KCNK9: variants seen among roughly 807,000 people sequenced by gnomAD.
The protein encoded by KCNK9 is potassium channel subfamily K member 9.
In KCNK9, 1 loss-of-function variant was observed where a neutral mutation model predicts 10.8. The observed-to-expected ratio is 0.09, with a 90% CI of 0.03 to 0.44. The LOEUF is 0.44. KCNK9 is among the 20% of genes least tolerant of loss of function. The pLI is 0.97. For synonymous variants in KCNK9, 231 were observed against 222.7 expected (o/e 1.04, Z -0.33); for missense variants, 303 against 515.0 (o/e 0.59, Z 3.98).
chr8:139,663,355 G>C (rs764191941), intron 1 of KCNK9, among the ~76,000 whole-genome samples: 1 of 152,026 alleles, frequency 6.6e-6, no homozygotes, highest in Non-Finnish European at 1.5e-5. Flanking sequence ...CCGCTCTTGG[G>C]GGACTACAGG....
chr8:139,687,502 A>ATTTG (rs1816829851), intron 1 of KCNK9, among the ~76,000 whole-genome samples: 1 of 37,552 alleles, frequency 2.7e-5, no homozygotes, highest in African/African-American at 7.6e-5. Flanking sequence ...ACATATATAC[A>ATTTG]TATATATGTA....
intron 1 of KCNK9, among the ~76,000 whole-genome samples, chr8:139,681,838 C>T (rs1425362429): frequency 1.3e-5 from 2 of 152,212 alleles, no homozygotes; most frequent in African/African-American, 2.4e-5. Flanking sequence ...GCTATTTAAC[C>T]AACCGGCATC....
At chr8:139,630,924 C>G (rs1451427210) in intron 1 of KCNK9, among the ~76,000 whole-genome samples, 1 of 152,224 alleles carries the variant, frequency 6.6e-6, no homozygotes, top group Non-Finnish European at 1.5e-5. Context: ...GAAAGAGGCT[C>G]CTAGAAAGTG....
At chr8:139,633,709 G>A (rs530553910) in intron 1 of KCNK9, among the ~76,000 whole-genome samples, 12 of 152,310 alleles carry the variant, frequency 7.9e-5, no homozygotes, top group East Asian at 3.9e-4. Flanking sequence ...CAGGCTGCGC[G>A]AGGCTCACCA....
At chr8:139,632,537 G>A (rs878992184) in intron 1 of KCNK9, among the ~76,000 whole-genome samples, 36 of 152,122 alleles carry the variant, frequency 2.4e-4, no homozygotes, top group African/African-American at 8.0e-4. Context: ...AGAGTCCCTC[G>A]CAAGTAGACA....
At chr8:139,660,493 C>T (rs141756698) in intron 1 of KCNK9, among the ~76,000 whole-genome samples, 2,020 of 150,568 alleles carry the variant, frequency 0.013, 16 homozygotes, top group African/African-American at 0.016. Flanking sequence ...TGGTGGTGCA[C>T]GCCTATAATC....
At chr8:139,651,252 C>T (rs144445668) in intron 1 of KCNK9, among the ~76,000 whole-genome samples, 6 of 152,352 alleles carry the variant, frequency 3.9e-5, no homozygotes, top group East Asian at 1.9e-4. Context: ...GTCAGAAACA[C>T]GAGCATGTGT....
intron 1 of KCNK9, among the ~76,000 whole-genome samples, chr8:139,660,983 C>G (rs1235593552): frequency 6.6e-6 from 1 of 152,184 alleles, no homozygotes; most frequent in South Asian, 2.1e-4. Context: ...CTCTGTACAT[C>G]TTTGACAGAA....
chr8:139,638,207 G>A (rs921157988), intron 1 of KCNK9, among the ~76,000 whole-genome samples: 6 of 152,026 alleles, frequency 3.9e-5, no homozygotes, highest in East Asian at 1.9e-4. Flanking sequence ...CTCCAGGAAC[G>A]TGGGAAGACA....
At chr8:139,605,854 T>G (rs1486663142) in intron 2 of KCNK9, among the ~76,000 whole-genome samples, 1 of 152,218 alleles carries the variant, frequency 6.6e-6, no homozygotes, top group Non-Finnish European at 1.5e-5. Context: ...GTTTTTTCTT[T>G]AAAATATTAG....
chr8:139,642,147 A>G (rs1815523931), intron 1 of KCNK9, among the ~76,000 whole-genome samples: 1 of 152,354 alleles, frequency 6.6e-6, no homozygotes, highest in Middle Eastern at 3.4e-3. Flanking sequence ...AGCCACTCCT[A>G]TAATCCCAAG....
intron 2 of KCNK9, among the ~76,000 whole-genome samples, chr8:139,602,460 A>C (rs945871117): frequency 6.6e-6 from 1 of 152,246 alleles, no homozygotes; most frequent in African/African-American, 2.4e-5. Context: ...AATGCCTGTT[A>C]CATTTTTTTG....
At chr8:139,701,018 T>C (rs1817205844) in intron 1 of KCNK9, among the ~76,000 whole-genome samples, 1 of 152,230 alleles carries the variant, frequency 6.6e-6, no homozygotes, top group South Asian at 2.1e-4. Context: ...TTTAAGGGCC[T>C]TGGGGCTTTC....
In KCNK9 at chr8:139,687,461, C is replaced by CATATATATATGTGTATACAT. The variant is rs1380086135; in HGVS notation, c.283+15248_283+15249insATGTATACACATATATATAT. 1.5e-5 allele frequency among the ~76,000 whole-genome samples: 2 copies of CATATATATATGTGTATACAT among 133,788 alleles called. 1 individual carries two copies. Among genetic ancestry groups the CATATATATATGTGTATACAT allele is most frequent in the Non-Finnish European group, 3.2e-5 (2 of 63,084 alleles). 87.8% of individuals were successfully genotyped at this position (133,788 alleles called of 152,430 possible). Reference sequence around the variant, plus strand: ...ATATATATGTATACACATATATATTCATATATTCATATATATGTATACATA... The same window carrying CATATATATATGTGTATACAT: ...ATATATATGTATACACATATATATTCATATATATATGTGTATACATATATATTCATATATATGTATACATA... On this transcript the variant is annotated intron_variant, in intron 1 of 1. Coordinates refer to ENST00000520439, the MANE Select transcript of KCNK9 (RefSeq NM_001282534.2).
At chr8:139,668,572 C>A (rs1036737642) in intron 1 of KCNK9, among the ~76,000 whole-genome samples, 1 of 152,104 alleles carries the variant, frequency 6.6e-6, no homozygotes, top group African/African-American at 2.4e-5. Flanking sequence ...CAGGTGTGCG[C>A]CACCACGTCC....
intron 1 of KCNK9, among the ~76,000 whole-genome samples, chr8:139,682,029 G>A (rs1436293719): frequency 6.6e-6 from 1 of 152,298 alleles, no homozygotes; most frequent in East Asian, 1.9e-4. Flanking sequence ...AGGAAGAACG[G>A]CAAGTTCAGC....
chr8:139,630,491 C>T (rs1027625596), intron 1 of KCNK9, among the ~76,000 whole-genome samples: 6 of 152,208 alleles, frequency 3.9e-5, no homozygotes, highest in African/African-American at 1.4e-4. Flanking sequence ...ACATCCGACG[C>T]TCGCTGGTCC....
chr8:139,660,371 G>A (rs1167522498), intron 1 of KCNK9, among the ~76,000 whole-genome samples: 1 of 151,834 alleles, frequency 6.6e-6, no homozygotes, highest in Non-Finnish European at 1.5e-5. Context: ...TTGGGAGGCT[G>A]AGGCGGGCAG....
chr8:139,687,470 A>ATG (rs1816826074), intron 1 of KCNK9, among the ~76,000 whole-genome samples: 1 of 45,358 alleles, frequency 2.2e-5, no homozygotes, highest in African/African-American at 7.4e-5. Flanking sequence ...TCATATATTC[A>ATG]TATATATGTA....
Sources: gnomAD v4.1 joint callset for allele counts (sites outside exome capture counted in the v4.1 genomes callset) on GRCh38, gnomAD v4.1.1 for gene constraint, MANE v1.5 for transcripts, NCBI Gene and HGNC (gene_info 2026-07-23, HGNC 2026-07-21) for gene names.